Variants in TMEM179 observed in about 807,000 individuals in gnomAD.
TMEM179 encodes the protein transmembrane protein 179A.
Under a neutral mutation model 22.2 loss-of-function variants are expected in TMEM179, and 17 were observed. That is an observed-to-expected ratio of 0.77 (90% confidence interval 0.52 to 1.15). The LOEUF is 1.15. Ranked by LOEUF, TMEM179 falls within the 50% of genes most tolerant of loss-of-function variation. The pLI, the probability that TMEM179 is intolerant of heterozygous loss-of-function variation, is 0.00. For synonymous variants in TMEM179, 127 were observed against 140.5 expected (o/e 0.90, Z 0.68); for missense variants, 265 against 313.6 (o/e 0.84, Z 1.17).
chr14:104,604,454 G>T lies in TMEM179; in HGVS notation c.288C>A (p.Leu96=), dbSNP rs3803313. The T allele has an allele frequency of 0.73, 1,151,503 of 1,574,774 alleles. 427,755 individuals carry two copies. The highest frequency in any genetic ancestry group is 0.76 in the Non-Finnish European group (889,352 of 1,165,384). ...CCACTTACCCCTCGTGTCCCTTGCA[G>T]AGGAAGAAGAGCGTGCGCCAGGCGT... ...AAHAWRTLFF[L]CKGHEGSFFS... Residue 96 remains leucine, a synonymous_variant, in exon 1 of 4, where the codon CTC becomes CTA. Transcript: ENST00000556573. The surrounding 1 kb of genome is among the most constrained non-coding windows in gnomAD (Gnocchi z 4.6).
chr14:104,595,292 G>A lies in TMEM179; in HGVS notation c.444-49C>T, dbSNP rs766941418. The A allele has an allele frequency of 4.5e-6, 7 of 1,557,758 alleles. No homozygotes were observed. The Admixed American group carries it at 1.2e-4, about 28-fold the overall frequency. On this transcript the variant is annotated intron_variant, in intron 2 of 3. Transcript: ENST00000556573. The surrounding 1 kb of genome is among the most constrained non-coding windows in gnomAD (Gnocchi z 5.7). The stretch of plus-strand genomic sequence containing the variant: ...GAGGGTGACCACCAGGACAGCCAGT[G>A]CGGGACATGGCTGAGCCGCTGGCCA...
chr14:104,596,853 G>A, intron 2 of TMEM179, 137 bp downstream of exon 2: 1 of 1,134,758 alleles, frequency 8.8e-7, no homozygotes. Flanking sequence ...GCACAGGCAG[G>A]GGCACAGTGC....
intron 1 of TMEM179, among the ~76,000 whole-genome samples, chr14:104,598,236 A>G (rs926380625): frequency 7.9e-5 from 12 of 152,136 alleles, no homozygotes; most frequent in African/African-American, 2.9e-4. Context: ...GGGTAGGGAT[A>G]GGGACTGTCC....
In TMEM179 at chr14:104,590,979, C is replaced by G. The variant is rs546967489; in HGVS notation, c.*2500G>C. On this transcript the variant is annotated 3_prime_UTR_variant, in exon 4 of 4. Transcript: ENST00000556573. ...CTCAGAAGCAACTTGGTGGACCAGC[C>G]TCAGGAACCCCGGGTCATGCCTGCA... 5.5e-6 allele frequency: 1 copy of G among 180,978 alleles called. No individual in the cohort carries two copies. The highest frequency in any genetic ancestry group is 1.8e-4 in the East Asian group (1 of 5,574). The allele number at this position is 180,978 out of a possible 1,614,324, so 11.2% of individuals were successfully genotyped here.
At chr14:104,593,912 G>A in intron 3 of TMEM179, among the ~76,000 whole-genome samples, 1 of 152,330 alleles carries the variant, frequency 6.6e-6, no homozygotes, top group East Asian at 1.9e-4. Context: ...AAAAGCCCTG[G>A]GCACTCAGAC....
At chr14:104,601,310 G>A (rs1218966385) in intron 1 of TMEM179, among the ~76,000 whole-genome samples, 1 of 152,156 alleles carries the variant, frequency 6.6e-6, no homozygotes, top group East Asian at 1.9e-4. Context: ...AAGGCAGCAG[G>A]CCTCAGGACC....
rs201012196 is a variant in TMEM179 at position 104,595,119 on chromosome 14, C to T, written c.522+46G>A. On this transcript the variant is annotated intron_variant, in intron 3 of 3. Coordinates refer to ENST00000556573, the MANE Select transcript of TMEM179 (RefSeq NM_001286389.2). This position sits in a 1 kb window ranked among gnomAD's most constrained non-coding sequence, Gnocchi z 5.7. ...CAGCAAATGTCCAGCAGTAAATGGC[C>T]CCCTCCCAGCATTGCAAGCCTCCCT... The T allele has an allele frequency of 3.3e-5, 54 of 1,612,274 alleles. No homozygotes were observed. In the African/African-American group the frequency reaches 6.4e-4, roughly 19 times the overall value.
At chr14:104,593,756 G>A in intron 3 of TMEM179, 98 bp from the exon 4 acceptor site, 1 of 1,346,708 alleles carries the variant, frequency 7.4e-7, no homozygotes, top group African/African-American at 1.5e-5. Flanking sequence ...GCAGGGAAAG[G>A]ACAGGACTCA....
At position 104,595,512 on chromosome 14, in the gene TMEM179, G is replaced by C. The variant is rs1435674097; in HGVS notation, c.444-269C>G. On this transcript the variant is annotated intron_variant, in intron 2 of 3. Coordinates refer to ENST00000556573, the MANE Select transcript of TMEM179 (RefSeq NM_001286389.2). The surrounding 1 kb of genome is among the most constrained non-coding windows in gnomAD (Gnocchi z 5.7). ...CGCCAGCTCTGCCTCTGCCCTCCTG[G>C]ACCCTCTGCCCCCCATGCCCCACAC... 6.6e-6 allele frequency among the ~76,000 whole-genome samples: 1 copy of C among 152,058 alleles called. No individual in the cohort carries two copies.
rs142840406 is a variant in TMEM179 at position 104,600,280 on chromosome 14, G to A, written c.306-3153C>T. Among the ~76,000 whole-genome samples, 711 of 152,342 alleles carry A rather than the reference G, an allele frequency of 4.7e-3. 2 individuals are homozygous for A. Among genetic ancestry groups the A allele is most frequent in the Non-Finnish European group, 7.3e-3 (500 of 68,034 alleles). ...GGACAGTGGTCAGGAACAGGAGCCCGGCACATGCAGGGTTAACCCTGTCTC... is the reference window on the plus strand; with the variant it reads ...GGACAGTGGTCAGGAACAGGAGCCCAGCACATGCAGGGTTAACCCTGTCTC... On this transcript the variant is annotated intron_variant, in intron 1 of 3. Coordinates refer to ENST00000556573, the MANE Select transcript of TMEM179 (RefSeq NM_001286389.2).
In TMEM179 at chr14:104,604,400, T is replaced by C. The variant is rs780067189; in HGVS notation, c.305+37A>G. On this transcript the variant is annotated intron_variant, in intron 1 of 3. Coordinates refer to ENST00000556573, the MANE Select transcript of TMEM179 (RefSeq NM_001286389.2). This position sits in a 1 kb window ranked among gnomAD's most constrained non-coding sequence, Gnocchi z 4.6. ...GGTGGGTCTGGGGGCGCTGGGGGCA[T>C]GGAAGGGGCGCCGCGCCGGGAGCGG... The C allele has an allele frequency of 1.4e-6, 2 of 1,464,586 alleles. 1 individual carries two copies. The highest frequency in any genetic ancestry group is 2.8e-5 in the South Asian group (2 of 72,388). The allele number at this position is 1,464,586 out of a possible 1,614,324, so 90.7% of individuals were successfully genotyped here. A position where few individuals can be genotyped will look rare whatever the true frequency, so the allele number is the denominator to read the frequency against.
At chr14:104,601,101 C>T (rs1887222536) in intron 1 of TMEM179, among the ~76,000 whole-genome samples, 2 of 152,246 alleles carry the variant, frequency 1.3e-5, no homozygotes, top group Admixed American at 6.5e-5. Flanking sequence ...CCTGAGTCCC[C>T]TTTACCTACC....
At chr14:104,596,955 G>T in intron 2 of TMEM179, 35 bp downstream of exon 2, 1 of 1,591,510 alleles carries the variant, frequency 6.3e-7, no homozygotes, top group Non-Finnish European at 8.5e-7. Context: ...TTCCGGGGAG[G>T]TGGGCGGAGG....
chr14:104,591,210 C>T lies in TMEM179; in HGVS notation c.*2269G>A, dbSNP rs1226642210. The stretch of plus-strand genomic sequence containing the variant: ...GATTTCCATCACCCTGGCCATGGGG[C>T]TGTTCCACACCTGCTCCTGGGATCC... On this transcript the variant is annotated 3_prime_UTR_variant, in exon 4 of 4. Transcript: ENST00000556573. The T allele has an allele frequency of 5.5e-6, 2 of 365,906 alleles. No homozygotes were observed. Among genetic ancestry groups the T allele is most frequent in the East Asian group, 1.5e-4 (2 of 13,094 alleles). The allele number at this position is 365,906 out of a possible 1,614,324, so 22.7% of individuals were successfully genotyped here. A position where few individuals can be genotyped will look rare whatever the true frequency, so the allele number is the denominator to read the frequency against.
intron 3 of TMEM179, chr14:104,594,600 C>T (rs1004464169): frequency 1.6e-6 from 2 of 1,229,568 alleles, no homozygotes; most frequent in Non-Finnish European, 2.0e-6. Context: ...AAATAGCGTC[C>T]CTCAGAGTGG....
In TMEM179 at chr14:104,593,244, A is replaced by C; in HGVS notation, c.*235T>G. 1.8e-6 allele frequency: 1 copy of C among 561,062 alleles called. No individual in the cohort carries two copies. 34.8% of individuals were successfully genotyped at this position (561,062 alleles called of 1,614,324 possible). On this transcript the variant is annotated 3_prime_UTR_variant, in exon 4 of 4. Transcript: ENST00000556573. Reference sequence around the variant, plus strand: ...GAGGTGCCCCCCGCCCCCGCCCCACACCCATAGTCTCTCTGCACCATCCTC... The same window carrying C: ...GAGGTGCCCCCCGCCCCCGCCCCACCCCCATAGTCTCTCTGCACCATCCTC...
chr14:104,593,436 G>A lies in TMEM179; in HGVS notation c.*43C>T, dbSNP rs181997546. On this transcript the variant is annotated 3_prime_UTR_variant, in exon 4 of 4. Transcript: ENST00000556573. ...CCCAGGCAGGCCCGTGCCCCCGAGC[G>A]CAGCAGGGAGGTCGGGGCCAGCTCC... is the stretch of plus-strand genomic sequence containing the variant. 189 of 1,534,310 alleles carry A rather than the reference G, an allele frequency of 1.2e-4. No homozygotes were observed. The African/African-American group carries it at 2.0e-3, about 16-fold the overall frequency.
rs763645520 is a variant in TMEM179 at position 104,593,211 on chromosome 14, G to A, written c.*268C>T. On this transcript the variant is annotated 3_prime_UTR_variant, in exon 4 of 4. Transcript: ENST00000556573. ...CTGGGACAGCCAAGGGGCCCTGTGCGAGGCCTGGAGGTGCCCCCCGCCCCC... is the reference window on the plus strand; with the variant it reads ...CTGGGACAGCCAAGGGGCCCTGTGCAAGGCCTGGAGGTGCCCCCCGCCCCC... The A allele has an allele frequency of 2.0e-5, 11 of 537,778 alleles. No homozygotes were observed. The highest frequency in any genetic ancestry group is 4.5e-4 in the Middle Eastern group (1 of 2,228). 33.3% of individuals were successfully genotyped at this position (537,778 alleles called of 1,614,324 possible). A position where few individuals can be genotyped will look rare whatever the true frequency, so the allele number is the denominator to read the frequency against.
intron 1 of TMEM179, among the ~76,000 whole-genome samples, chr14:104,600,067 C>T (rs1282159944): frequency 1.3e-5 from 2 of 152,206 alleles, no homozygotes; most frequent in Non-Finnish European, 2.9e-5. Context: ...AGGGAAGGGA[C>T]CCCAGGCTGG....
Sources: gnomAD v4.1 joint callset for allele counts (sites outside exome capture counted in the v4.1 genomes callset) on GRCh38, gnomAD v4.1.1 for gene constraint, Gnocchi (gnomAD v3.1) non-coding constraint, MANE v1.5 for transcripts, NCBI Gene and HGNC (gene_info 2026-07-23, HGNC 2026-07-21) for gene names.